The following DDR2 variants were observed in gnomAD, a reference collection of about 807,000 sequenced individuals.
DDR2 encodes discoidin domain-containing receptor 2.
Under a neutral mutation model 94.9 loss-of-function variants are expected in DDR2, and 27 were observed. The observed-to-expected ratio is 0.28, with a 90% CI of 0.21 to 0.39. The LOEUF is 0.39. Among genes scored for constraint, DDR2 ranks in the 10% least tolerant of loss-of-function variants. The probability of loss-of-function intolerance (pLI) is 1.00; values close to 1 mark genes in which losing one functional copy is unlikely to be tolerated. For missense variants in DDR2, 783 were observed against 1,076.0 expected, an observed-to-expected ratio of 0.73 and a Z score of 3.81; for synonymous variants, 382 against 377.2, an observed-to-expected ratio of 1.01 and a Z score of -0.15.
intron 1 of DDR2, among the ~76,000 whole-genome samples, chr1:162,652,758 T>G (rs918525510): frequency 6.6e-6 from 1 of 152,206 alleles, no homozygotes. Context: ...CTCCCAAGAT[T>G]GTACAGCTAG....
In DDR2 at chr1:162,780,185, C is replaced by G; in HGVS notation, c.2507C>G (p.Thr836Arg). Reference sequence around the variant, plus strand: ...ATGCTCAGCTGCTGGAGAAGAGATACGAAGAACCGTCCCTCATTCCAAGAA... The same window carrying G: ...ATGCTCAGCTGCTGGAGAAGAGATAGGAAGAACCGTCCCTCATTCCAAGAA... ...KLMLSCWRRD[T>R]KNRPSFQEIH... is the part of the protein sequence containing the mutation. The change falls in exon 18 of 18, where the codon ACG (threonine) becomes AGG (arginine). Residue 836 changes from threonine to arginine, a missense_variant. Transcript: ENST00000367921. 4 of 1,613,962 alleles carry G rather than the reference C, an allele frequency of 2.5e-6. No homozygotes were observed. The highest frequency in any genetic ancestry group is 3.4e-6 in the Non-Finnish European group (4 of 1,179,936).
intron 2 of DDR2, among the ~76,000 whole-genome samples, chr1:162,706,905 A>T (rs1421290136): frequency 6.6e-6 from 1 of 152,228 alleles, no homozygotes; most frequent in Non-Finnish European, 1.5e-5. Context: ...AGGAAGCATG[A>T]AATGGAAAGG....
At chr1:162,738,978 A>C in intron 3 of DDR2, among the ~76,000 whole-genome samples, 1 of 28,872 alleles carries the variant, frequency 3.5e-5, no homozygotes, top group Non-Finnish European at 9.9e-5. Context: ...TAAAGATTTA[A>C]ACGTTAGACC....
rs529510119 is a variant in DDR2, at chr1:162,738,195, T to C, written c.83-14900T>C. Among the ~76,000 whole-genome samples, 8 of 117,890 alleles carry C rather than the reference T, an allele frequency of 6.8e-5. No homozygotes were observed. In the East Asian group the frequency reaches 2.0e-3, roughly 29 times the overall value. The allele number at this position is 117,890 out of a possible 152,430, so 77.3% of individuals were successfully genotyped here. On this transcript the variant is annotated intron_variant, in intron 3 of 17. Transcript: ENST00000367921. ...CCTGTTTGCAGACGACATGATTGTT[T>C]ATCTAGAAAACCCCATTGTCTCAGC...
chr1:162,684,946 A>G (rs1346019465), intron 2 of DDR2, among the ~76,000 whole-genome samples: 3 of 152,238 alleles, frequency 2.0e-5, no homozygotes, highest in South Asian at 2.1e-4. Flanking sequence ...TTTGAAATCT[A>G]CAGATGTGGA....
intron 2 of DDR2, among the ~76,000 whole-genome samples, chr1:162,709,182 C>A (rs1273784634): frequency 6.6e-6 from 1 of 152,122 alleles, no homozygotes; most frequent in Non-Finnish European, 1.5e-5. Context: ...TGGTCTCAGA[C>A]AAGGTGACTC....
intron 2 of DDR2, among the ~76,000 whole-genome samples, chr1:162,692,219 A>T (rs1368614040): frequency 6.6e-6 from 1 of 151,810 alleles, no homozygotes; most frequent in East Asian, 1.9e-4. Context: ...CCTTCCCTCC[A>T]CCTCCACTTC....
intron 2 of DDR2, among the ~76,000 whole-genome samples, chr1:162,691,302 C>G (rs926101218): frequency 6.6e-6 from 1 of 152,180 alleles, no homozygotes; most frequent in African/African-American, 2.4e-5. Flanking sequence ...CACTCCAACA[C>G]CCTGCCTTGC....
At chr1:162,742,178 A>G (rs975122422) in intron 3 of DDR2, among the ~76,000 whole-genome samples, 1 of 152,266 alleles carries the variant, frequency 6.6e-6, no homozygotes, top group Non-Finnish European at 1.5e-5. Context: ...TGATAAGAAT[A>G]GGCAAAGTGA....
intron 2 of DDR2, among the ~76,000 whole-genome samples, chr1:162,701,670 A>T (rs770289274): frequency 6.6e-6 from 1 of 152,268 alleles, no homozygotes; most frequent in Admixed American, 6.5e-5. Context: ...TAAGATGATT[A>T]GTCAGCCTCT....
upstream of DDR2, chr1:162,632,162 A>G (rs1392068815): frequency 6.6e-6 from 1 of 152,010 alleles, no homozygotes; most frequent in East Asian, 1.9e-4. Context: ...CAAGTCTTAG[A>G]TGGAGGGGAA....
chr1:162,742,003 G>T (rs1342254070), intron 3 of DDR2, among the ~76,000 whole-genome samples: 1 of 152,150 alleles, frequency 6.6e-6, no homozygotes, highest in African/African-American at 2.4e-5. Flanking sequence ...TTAGCATCCT[G>T]TGTTAGTGTT....
At position 162,759,818 on chromosome 1, in the gene DDR2, T is replaced by A. The variant is rs1462350042; in HGVS notation, c.694T>A (p.Leu232Met). The change falls in exon 8 of 18, where the codon TTG becomes ATG. Residue 232 changes from leucine (L) to methionine (M), a missense_variant. By Grantham distance (15) the Leu-to-Met change is conservative (BLOSUM62 2). Around this residue, in one of 2 missense-constraint regions of DDR2, gnomAD observed 519 missense variants for 647.9 expected, o/e 0.80. Coordinates refer to ENST00000367921, the MANE Select transcript of DDR2 (RefSeq NM_006182.4). The part of the protein sequence containing the change: ...GYSMTEGLGQ[L>M]TDGVSGLDDF... ...CAGCATGACAGAAGGGCTAGGCCAA[T>A]TGACCGATGGTGTGTCTGGCCTGGA... The A allele has an allele frequency of 6.2e-7, 1 of 1,614,116 alleles. No individual in the cohort carries two copies. Among genetic ancestry groups the A allele is most frequent in the South Asian group, 1.1e-5 (1 of 91,070 alleles).
chr1:162,776,541 C>A (rs572183655), intron 16 of DDR2, among the ~76,000 whole-genome samples, 171 bp downstream of exon 16: 1 of 152,114 alleles, frequency 6.6e-6, no homozygotes, highest in African/African-American at 2.4e-5. Flanking sequence ...TAATGCTTGC[C>A]TATTTCTGCT....
chr1:162,664,908 TC>T (rs1415829196), intron 2 of DDR2, among the ~76,000 whole-genome samples: 1 of 152,222 alleles, frequency 6.6e-6, no homozygotes, highest in Non-Finnish European at 1.5e-5. Context: ...GGAATATCTT[TC>T]CTTGCTCTTA....
intron 3 of DDR2, among the ~76,000 whole-genome samples, chr1:162,726,588 A>G (rs1661677080): frequency 6.6e-6 from 1 of 152,326 alleles, no homozygotes; most frequent in Middle Eastern, 3.4e-3. Context: ...CAGTAGGGAT[A>G]GAGGCCCAGG....
chr1:162,732,517 C>T (rs1039241070), intron 3 of DDR2, among the ~76,000 whole-genome samples: 2 of 152,212 alleles, frequency 1.3e-5, no homozygotes, highest in Admixed American at 6.5e-5. Context: ...AGTCACTTCA[C>T]CTTTCTGGGC....
chr1:162,662,955 G>C (rs2101923105), intron 2 of DDR2, among the ~76,000 whole-genome samples: 1 of 152,210 alleles, frequency 6.6e-6, no homozygotes, highest in East Asian at 1.9e-4. Context: ...ACGGGACAGA[G>C]GACCCTTTCC....
intron 2 of DDR2, among the ~76,000 whole-genome samples, chr1:162,690,167 G>A (rs1659902946): frequency 1.3e-5 from 2 of 152,062 alleles, no homozygotes; most frequent in Admixed American, 1.3e-4. Context: ...GCTTGTAACT[G>A]CTTTCTGGAA....
Sources: gnomAD v4.1 joint callset for allele counts (sites outside exome capture counted in the v4.1 genomes callset) on GRCh38, gnomAD v4.1.1 for gene constraint, gnomAD v4.1.1 regional missense constraint, MANE v1.5 for transcripts, NCBI Gene and HGNC (gene_info 2026-07-23, HGNC 2026-07-21) for gene names.